NRG1: variants seen among roughly 807,000 people sequenced by gnomAD.
NRG1 encodes neuregulin 1, also known as pro-neuregulin-1, membrane-bound isoform.
A neutral mutation model predicts 63.8 loss-of-function variants in NRG1; 18 were observed. The ratio of observed to expected loss-of-function variants is 0.28; its 90% CI spans 0.19 to 0.42. The LOEUF is 0.42. NRG1 is among the 10% of genes least tolerant of loss of function. NRG1 has a pLI of 1.00. For missense variants in NRG1, 762 were observed against 814.7 expected, an observed-to-expected ratio of 0.94 and a Z score of 0.79; for synonymous variants, 302 against 301.3, an observed-to-expected ratio of 1.00 and a Z score of -0.02.
downstream of NRG1, among the ~76,000 whole-genome samples, chr8:32,772,061 ATATATATATATATATATATATATATAT>A (rs1831858294): frequency 2.1e-4 from 1 of 4,688 alleles, no homozygotes; most frequent in Non-Finnish European, 6.4e-4. Flanking sequence ...ATATATATAT[ATATATATATATATATATATATATATAT>A]AAAATCCCAC....
At chr8:32,201,855 G>T (rs895006465) in intron 1 of NRG1, among the ~76,000 whole-genome samples, 6 of 152,198 alleles carry the variant, frequency 3.9e-5, no homozygotes, top group Admixed American at 1.3e-4. Context: ...GGCATCAGTT[G>T]AAGGGACCTC....
chr8:32,264,178 C>A (rs1028910526), intron 1 of NRG1, among the ~76,000 whole-genome samples: 3 of 152,010 alleles, frequency 2.0e-5, no homozygotes, highest in Admixed American at 2.0e-4. Context: ...ACAAAAAACT[C>A]CTGTATAAGA....
chr8:32,738,303 A>G (rs1825585259), intron 6 of NRG1, among the ~76,000 whole-genome samples: 1 of 151,876 alleles, frequency 6.6e-6, no homozygotes, highest in Admixed American at 6.6e-5. Flanking sequence ...AAAACTGTGA[A>G]TTTTCACCCC....
rs577950970 is a variant in NRG1, at chr8:32,640,565, C to T, written c.502+23680C>T. Among the ~76,000 whole-genome samples, 4 of 149,602 alleles carry T rather than the reference C, an allele frequency of 2.7e-5. No individual in the cohort carries two copies. In the East Asian group the frequency reaches 8.3e-4, roughly 31 times the overall value. On this transcript the variant is annotated intron_variant, in intron 5 of 11. Coordinates refer to ENST00000356819, the Ensembl canonical transcript of NRG1. ...AATACAGGAAGACTGCCATTTGCCC[C>T]TCATCCTTGGCACTTATTTCCAGTG...
At chr8:32,089,519 A>T (rs1370540295) in intron 1 of NRG1, among the ~76,000 whole-genome samples, 1 of 152,000 alleles carries the variant, frequency 6.6e-6, no homozygotes, top group African/African-American at 2.4e-5. Context: ...TTTTTTTTTT[A>T]AATGCCAGAT....
At chr8:31,728,912 A>G (rs1563335079) in intron 1 of NRG1, among the ~76,000 whole-genome samples, 2 of 152,128 alleles carry the variant, frequency 1.3e-5, no homozygotes, top group Non-Finnish European at 2.9e-5. Context: ...TTTTTTGGTG[A>G]GCCAAAGAGA....
intron 5 of NRG1, among the ~76,000 whole-genome samples, chr8:32,703,691 A>G (rs958083747): frequency 1.2e-4 from 18 of 152,222 alleles, no homozygotes; most frequent in African/African-American, 4.1e-4. Flanking sequence ...GTTTAGAACT[A>G]AGACAGGAAA....
chr8:32,086,342 G>T (rs1019910271), intron 1 of NRG1, among the ~76,000 whole-genome samples: 2 of 152,172 alleles, frequency 1.3e-5, no homozygotes, highest in Middle Eastern at 3.2e-3. Context: ...GGCAAGACAA[G>T]GTGTTTCTGA....
In NRG1 at chr8:32,093,129, A is replaced by G. The variant is rs148554388; in HGVS notation, c.37+453698A>G. ...CGTGAGAGACTCCATTTTGTTTTGT[A>G]CTAAGAAAAATTCTTCTGCCTTGAG... On this transcript the variant is annotated intron_variant, in intron 1 of 10. Transcript: ENST00000519301. Among the ~76,000 whole-genome samples the G allele has an allele frequency of 2.2e-3, 328 of 152,324 alleles. 3 individuals carry two copies. Among genetic ancestry groups the G allele is most frequent in the African/African-American group, 7.6e-3 (315 of 41,582 alleles).
chr8:32,769,852 G>A (rs554536715), downstream of NRG1, among the ~76,000 whole-genome samples: 29 of 152,188 alleles, frequency 1.9e-4, no homozygotes, highest in East Asian at 3.9e-4. Context: ...ATAACTGTTC[G>A]TCTTCTCTGG....
chr8:32,629,324 G>A (rs1262370267), intron 5 of NRG1, among the ~76,000 whole-genome samples: 1 of 152,100 alleles, frequency 6.6e-6, no homozygotes, highest in East Asian at 1.9e-4. Flanking sequence ...CTTATCCATA[G>A]TGATGTGCAC....
chr8:31,690,246 T>TC, intron 1 of NRG1, among the ~76,000 whole-genome samples: 1 of 152,174 alleles, frequency 6.6e-6, no homozygotes, highest in Non-Finnish European at 1.5e-5. Context: ...TTTATAAATT[T>TC]CCTCTATAAA....
rs376791094 is a variant in NRG1, at chr8:32,754,332, G to C, written c.692-40G>C. 1.1e-5 allele frequency: 17 copies of C among 1,585,464 alleles called. No homozygotes were observed. In the African/African-American group the frequency reaches 2.1e-4, roughly 20 times the overall value. On this transcript the variant is annotated intron_variant, in intron 7 of 11. Transcript: ENST00000356819. ...TGGTTGTAGTCAGTCCTGGCAAGTG[G>C]AAGTGACCTGTGATGACATCTGCTC... is the stretch of plus-strand genomic sequence containing the variant.
intron 1 of NRG1, among the ~76,000 whole-genome samples, chr8:32,577,008 T>C (rs546117189): frequency 2.0e-5 from 3 of 152,240 alleles, no homozygotes. Context: ...GTGTCTGTTT[T>C]TGCCATCTTT....
chr8:32,326,506 G>A (rs985908796), intron 1 of NRG1, among the ~76,000 whole-genome samples: 2 of 151,752 alleles, frequency 1.3e-5, no homozygotes, highest in Non-Finnish European at 2.9e-5. Context: ...TGTATTTTTT[G>A]TAGAGACATG....
chr8:31,744,492 C>T (rs1190137779), intron 1 of NRG1, among the ~76,000 whole-genome samples: 1 of 151,980 alleles, frequency 6.6e-6, no homozygotes, highest in East Asian at 1.9e-4. Flanking sequence ...CTACCCTGCA[C>T]CCAACCCAAT....
Position 32,097,292 on chromosome 8 carries a change from G to A in NRG1, c.37+457861G>A, listed in dbSNP as rs747129782. Among the ~76,000 whole-genome samples the A allele has an allele frequency of 1.2e-4, 19 of 152,216 alleles. No homozygotes were observed. The Middle Eastern group carries it at 0.02, about 163-fold the overall frequency. ...TTCATATACTGTTATTGTGATTAGTGCAACAATAAACATAGGTGTGAAGTT... is the reference window on the plus strand; with the variant it reads ...TTCATATACTGTTATTGTGATTAGTACAACAATAAACATAGGTGTGAAGTT... On this transcript the variant is annotated intron_variant, in intron 1 of 10. Transcript: ENST00000519301.
At chr8:32,317,950 CCT>C (rs1396859471) in intron 1 of NRG1, among the ~76,000 whole-genome samples, 4 of 152,130 alleles carry the variant, frequency 2.6e-5, no homozygotes, top group African/African-American at 9.6e-5. Context: ...TAGGGACTGC[CCT>C]CTCTTTTCAA....
intron 5 of NRG1, among the ~76,000 whole-genome samples, chr8:32,671,525 T>C (rs1430522954): frequency 6.6e-6 from 1 of 152,190 alleles, no homozygotes; most frequent in Non-Finnish European, 1.5e-5. Context: ...AATATAGACA[T>C]TTTCATAATC....
Sources: allele counts gnomAD v4.1 joint callset (sites outside exome capture counted in the v4.1 genomes callset), GRCh38; gene constraint gnomAD v4.1.1; transcripts MANE v1.5; gene names NCBI Gene and HGNC (gene_info 2026-07-23, HGNC 2026-07-21).